Variants in THOC7 observed in about 807,000 individuals in gnomAD.
THOC7 encodes the protein THO complex subunit 7.
Under a neutral mutation model 33.1 loss-of-function variants are expected in THOC7, and 22 were observed. The ratio of observed to expected loss-of-function variants is 0.66; its 90% CI spans 0.47 to 0.95. The LOEUF is 0.95. THOC7 is among the 40% of genes least tolerant of loss of function. THOC7 has a pLI of 0.00. For synonymous variants in THOC7, 77 were observed against 76.8 expected (o/e 1.00, Z -0.01); for missense variants, 184 against 245.3 (o/e 0.75, Z 1.67).
intron 1 of THOC7, among the ~76,000 whole-genome samples, chr3:63,862,278 A>G (rs1178264578): frequency 5.3e-5 from 8 of 152,354 alleles, no homozygotes; most frequent in African/African-American, 1.9e-4. Context: ...CACCAGTCCA[A>G]TATCTATTTA....
intron 1 of THOC7, among the ~76,000 whole-genome samples, chr3:63,847,565 T>C (rs1701924412): frequency 6.6e-6 from 1 of 152,082 alleles, no homozygotes; most frequent in African/African-American, 2.4e-5. Context: ...GGCGAAACCC[T>C]GTTTCTACCA....
intron 5 of THOC7, 24 bp from the exon 6 acceptor site, chr3:63,835,414 C>A (rs1462084157): frequency 1.2e-6 from 2 of 1,609,490 alleles, no homozygotes; most frequent in East Asian, 2.2e-5. Context: ...AACAGTGTTA[C>A]ATTTTGCTGA....
At chr3:63,835,263 TATATAG>T in intron 6 of THOC7, 40 bp from the exon 7 acceptor site, 1 of 1,612,466 alleles carries the variant, frequency 6.2e-7, no homozygotes, top group Non-Finnish European at 8.5e-7. Context: ...ATGACCTGTA[TATATAG>T]ATATATAGAC....
At chr3:63,836,243 G>C in intron 5 of THOC7, 58 bp downstream of exon 5, 1 of 1,533,824 alleles carries the variant, frequency 6.5e-7, no homozygotes, top group Non-Finnish European at 8.9e-7. Flanking sequence ...GCCTACGGTA[G>C]TTTTCGAGCA....
At chr3:63,863,818 G>GGCGGCGCAA, upstream of THOC7, 1 of 1,178,330 alleles carries the variant, frequency 8.5e-7, no homozygotes, top group Non-Finnish European at 1.1e-6. Context: ...CGGCGGCGGC[G>GGCGGCGCAA]GCGGCGCAAG....
At chr3:63,839,577 A>G in intron 2 of THOC7, 79 bp downstream of exon 2, 1 of 886,848 alleles carries the variant, frequency 1.1e-6, no homozygotes, top group South Asian at 1.5e-5. Context: ...TGAAAATTTG[A>G]TCTACTCACA....
intron 7 of THOC7, among the ~76,000 whole-genome samples, chr3:63,834,695 C>A (rs1487636479): frequency 2.0e-5 from 3 of 151,376 alleles, no homozygotes; most frequent in Admixed American, 1.3e-4. Context: ...GGGTCTTAGG[C>A]TATTCTTTAA....
chr3:63,863,437 G>A, intron 1 of THOC7: 1 of 1,113,920 alleles, frequency 9.0e-7, no homozygotes, highest in Non-Finnish European at 1.1e-6. Context: ...ACCCGCCCTT[G>A]CACCGCTTCT....
In THOC7 at chr3:63,844,968, CATAA is replaced by C. The variant is rs1701854902; in HGVS notation, c.20-5199_20-5196del. 9 of 649,736 alleles carry C rather than the reference CATAA, an allele frequency of 1.4e-5. No individual in the cohort carries two copies. The South Asian group carries it at 1.5e-4, about 11-fold the overall frequency. 40.2% of individuals were successfully genotyped at this position (649,736 alleles called of 1,614,324 possible). On this transcript the variant is annotated intron_variant, in intron 1 of 7. Coordinates refer to ENST00000295899, the MANE Select transcript of THOC7 (RefSeq NM_025075.4). ...GGCAAGTGTTGCCCAAGTCTAGAAT[CATAA>C]ATAAAGACAATTGAGATCTTTACAT...
chr3:63,856,102 ATCTG>A (rs748533234), intron 1 of THOC7, among the ~76,000 whole-genome samples: 1 of 152,196 alleles, frequency 6.6e-6, no homozygotes, highest in Non-Finnish European at 1.5e-5. Context: ...CCAATAGAGG[ATCTG>A]TCTAAAAAAT....
intron 1 of THOC7, chr3:63,845,103 T>G (rs1208716915): frequency 2.9e-6 from 2 of 687,462 alleles, no homozygotes; most frequent in Non-Finnish European, 5.3e-6. Context: ...CCTTCTTTTC[T>G]GGGGGTGGGG....
At chr3:63,847,351 A>G (rs1477541369) in intron 1 of THOC7, among the ~76,000 whole-genome samples, 1 of 152,196 alleles carries the variant, frequency 6.6e-6, no homozygotes. Context: ...TGTTGTCCAC[A>G]GTTAATTGTT....
chr3:63,857,790 A>T (rs1479852896), intron 1 of THOC7, among the ~76,000 whole-genome samples: 1 of 152,240 alleles, frequency 6.6e-6, no homozygotes, highest in Non-Finnish European at 1.5e-5. Context: ...TTTTAAAAGG[A>T]AAATAAATGC....
chr3:63,854,426 T>C (rs1285100812), intron 1 of THOC7, among the ~76,000 whole-genome samples: 1 of 152,240 alleles, frequency 6.6e-6, no homozygotes, highest in Admixed American at 6.5e-5. Flanking sequence ...GTAAGCAGTT[T>C]GAATGCTTAT....
At position 63,836,240 on chromosome 3, in the gene THOC7, G is replaced by C. The variant is rs546070410; in HGVS notation, c.410+61C>G. The C allele has an allele frequency of 1.3e-5, 19 of 1,491,474 alleles. No individual in the cohort carries two copies. The Admixed American group carries it at 1.7e-4, about 13-fold the overall frequency. 92.4% of individuals were successfully genotyped at this position (1,491,474 alleles called of 1,614,324 possible). A position where few individuals can be genotyped will look rare whatever the true frequency, so the allele number is the denominator to read the frequency against. On this transcript the variant is annotated intron_variant, in intron 5 of 7. Transcript: ENST00000295899. ...TTTCTGCAAAAATGAAATGCCTACGGTAGTTTTCGAGCATTTATGTATAAA... is the reference window on the plus strand; with the variant it reads ...TTTCTGCAAAAATGAAATGCCTACGCTAGTTTTCGAGCATTTATGTATAAA...
chr3:63,836,231 A>T lies in THOC7; in HGVS notation c.410+70T>A, dbSNP rs1209835640. On this transcript the variant is annotated intron_variant, in intron 5 of 7. Coordinates refer to ENST00000295899, the MANE Select transcript of THOC7 (RefSeq NM_025075.4). ...ACATATTTATTTCTGCAAAAATGAA[A>T]TGCCTACGGTAGTTTTCGAGCATTT... The T allele has an allele frequency of 9.2e-6, 13 of 1,413,818 alleles. No individual in the cohort carries two copies. In the East Asian group the frequency reaches 2.3e-4, roughly 25 times the overall value. The allele number at this position is 1,413,818 out of a possible 1,614,324, so 87.6% of individuals were successfully genotyped here.
rs536566190 is a variant in THOC7 at position 63,835,043 on chromosome 3, T to C, written c.547+111A>G. ...CTTCTAACGTCATCCAGCTACACTG[T>C]TCAGAAATTGAAGGTATACTGTCTC... On this transcript the variant is annotated intron_variant, in intron 7 of 7. Coordinates refer to ENST00000295899, the MANE Select transcript of THOC7 (RefSeq NM_025075.4). 7.4e-5 allele frequency: 78 copies of C among 1,050,970 alleles called. No homozygotes were observed. The African/African-American group carries it at 1.2e-3, about 16-fold the overall frequency. 65.1% of individuals were successfully genotyped at this position (1,050,970 alleles called of 1,614,324 possible). A position where few individuals can be genotyped will look rare whatever the true frequency, so the allele number is the denominator to read the frequency against.
intron 7 of THOC7, 98 bp from the exon 8 acceptor site, chr3:63,834,297 C>T (rs1273383921): frequency 2.6e-6 from 3 of 1,165,824 alleles, no homozygotes; most frequent in Non-Finnish European, 3.7e-6. Context: ...TTAGCCAATA[C>T]AATTAAAGCT....
At chr3:63,842,049 G>C (rs1046225519) in intron 1 of THOC7, among the ~76,000 whole-genome samples, 7 of 152,156 alleles carry the variant, frequency 4.6e-5, no homozygotes, top group Non-Finnish European at 1.0e-4. Flanking sequence ...TGAGTGCCCT[G>C]ATTGAGAGGA....
Sources: gnomAD v4.1 joint callset for allele counts (sites outside exome capture counted in the v4.1 genomes callset) on GRCh38, gnomAD v4.1.1 for gene constraint, MANE v1.5 for transcripts, NCBI Gene and HGNC (gene_info 2026-07-23, HGNC 2026-07-21) for gene names.